Variants in DST observed in about 807,000 individuals in gnomAD.
The protein encoded by DST is bullous pemphigoid antigen.
A neutral mutation model predicts 875.2 loss-of-function variants in DST; 253 were observed. That is an observed-to-expected ratio of 0.29 (90% CI 0.26 to 0.32). The LOEUF (loss-of-function observed/expected upper bound fraction) is 0.32. Among genes scored for constraint, DST ranks in the 10% least tolerant of loss-of-function variants. DST has a pLI of 1.00. For synonymous variants in DST, 3,124 were observed against 3,197.1 expected (o/e 0.98, Z 0.77); for missense variants, 8,287 against 9,111.6 (o/e 0.91, Z 3.68).
intron 36 of DST, chr6:56,620,375 A>G: frequency 6.2e-7 from 1 of 1,614,098 alleles, no homozygotes; most frequent in South Asian, 1.1e-5. Flanking sequence ...CTCTATGGTG[A>G]GCTGCCTCAC....
chr6:56,753,079 C>T (rs1393516194), intron 4 of DST, among the ~76,000 whole-genome samples: 2 of 152,136 alleles, frequency 1.3e-5, no homozygotes, highest in Non-Finnish European at 2.9e-5. Flanking sequence ...GTGTGAGCCA[C>T]CACAAGACTG....
chr6:56,943,872 T>C (rs1488326697), intron 2 of DST, among the ~76,000 whole-genome samples: 1 of 152,104 alleles, frequency 6.6e-6, no homozygotes, highest in African/African-American at 2.4e-5. Flanking sequence ...ATCCCAGCAC[T>C]TTGGGAGACC....
intron 4 of DST, among the ~76,000 whole-genome samples, chr6:56,740,949 T>C (rs1340340807): frequency 2.0e-5 from 3 of 151,974 alleles, no homozygotes; most frequent in Admixed American, 2.0e-4. Context: ...AAGAATAGAG[T>C]TTCCATATAA....
At chr6:56,791,655 C>T (rs528362643) in intron 4 of DST, among the ~76,000 whole-genome samples, 2 of 151,748 alleles carry the variant, frequency 1.3e-5, no homozygotes, top group South Asian at 4.2e-4. Flanking sequence ...TGTGGTGGCA[C>T]ATGTCTGTGG....
At chr6:56,641,805 TA>T in intron 17 of DST, 141 bp downstream of exon 17, 1 of 680,422 alleles carries the variant, frequency 1.5e-6, no homozygotes. Context: ...CCAAAATATA[TA>T]AAAATGTGAC....
intron 4 of DST, chr6:56,742,398 T>A: frequency 7.9e-7 from 1 of 1,267,818 alleles, no homozygotes; most frequent in Non-Finnish European, 1.0e-6. Flanking sequence ...CTCTGATGTG[T>A]CAGAGTCCTG....
At chr6:56,704,916 G>A (rs984123103) in intron 5 of DST, among the ~76,000 whole-genome samples, 1 of 152,172 alleles carries the variant, frequency 6.6e-6, no homozygotes, top group Non-Finnish European at 1.5e-5. Context: ...TGTCAGGTTA[G>A]AAGTCCTCTG....
intron 4 of DST, among the ~76,000 whole-genome samples, chr6:56,745,930 G>C (rs2099571032): frequency 6.6e-6 from 1 of 152,186 alleles, no homozygotes; most frequent in Admixed American, 6.5e-5. Context: ...CAGAGAAATA[G>C]GTAGTCCCAA....
At chr6:56,871,483 CAG>C (rs1178557166) in intron 3 of DST, 1 of 1,581,954 alleles carries the variant, frequency 6.3e-7, no homozygotes, top group Non-Finnish European at 8.6e-7. Context: ...CTTAAAAATG[CAG>C]AGAGTGATGC....
At chr6:56,773,433 T>C (rs2152980213) in intron 4 of DST, among the ~76,000 whole-genome samples, 4 of 152,192 alleles carry the variant, frequency 2.6e-5, no homozygotes, top group Admixed American at 2.6e-4. Flanking sequence ...AATCTCACTA[T>C]TAAAAATACC....
At chr6:56,799,895 G>A (rs2099744750) in intron 4 of DST, among the ~76,000 whole-genome samples, 1 of 152,054 alleles carries the variant, frequency 6.6e-6, no homozygotes, top group Non-Finnish European at 1.5e-5. Context: ...AACATGCTGG[G>A]ATTACAGGCA....
chr6:56,834,901 T>G (rs946497071), intron 4 of DST, among the ~76,000 whole-genome samples: 2 of 152,190 alleles, frequency 1.3e-5, no homozygotes, highest in African/African-American at 2.4e-5. Flanking sequence ...CACTCAACTG[T>G]TTAGAGCAGT....
chr6:56,656,259 A>C (rs537639760), intron 10 of DST, among the ~76,000 whole-genome samples: 1 of 152,354 alleles, frequency 6.6e-6, no homozygotes, highest in Non-Finnish European at 1.5e-5. Context: ...GTCTCTCCTA[A>C]AAAACAATTT....
intron 61 of DST, among the ~76,000 whole-genome samples, chr6:56,545,963 T>A (rs577294051): frequency 6.6e-6 from 1 of 152,276 alleles, no homozygotes; most frequent in African/African-American, 2.4e-5. Context: ...ATATTTTTAG[T>A]TTTCAAACTA....
At chr6:56,865,658 G>C (rs779959572) in intron 3 of DST, among the ~76,000 whole-genome samples, 7 of 151,606 alleles carry the variant, frequency 4.6e-5, no homozygotes, top group African/African-American at 1.5e-4. Flanking sequence ...GCTCAGCCTT[G>C]CTTCCCTAGT....
intron 57 of DST, 131 bp downstream of exon 57, chr6:56,561,177 C>A: frequency 9.6e-7 from 1 of 1,041,382 alleles, no homozygotes; most frequent in South Asian, 2.3e-5. Context: ...TTAAACAAAA[C>A]TGTCAATTAT....
intron 92 of DST, among the ~76,000 whole-genome samples, chr6:56,475,214 G>C (rs1020966928): frequency 1.3e-5 from 2 of 152,024 alleles, no homozygotes; most frequent in African/African-American, 4.8e-5. Flanking sequence ...CAAAGGCTGT[G>C]GAAAGGCAGA....
rs751226137 is a variant in DST, at chr6:56,561,482, G to GAGTA, written c.14132_14135dup (p.Lys4713ThrfsTer11). 1.2e-6 allele frequency: 2 copies of GAGTA among 1,613,836 alleles called. No homozygotes were observed. The highest frequency in any genetic ancestry group is 8.5e-7 in the Non-Finnish European group (1 of 1,179,790). On this transcript the variant is annotated frameshift_variant, in exon 57 of 104. Transcript: ENST00000680361. LOFTEE classifies it high-confidence loss of function. Reference sequence around the variant, plus strand: ...TGTTCAGTTCCGCTATTTTGTCCTTGAGTAAGAGGCCAAGATCTTCATAAC... The same window carrying GAGTA: ...TGTTCAGTTCCGCTATTTTGTCCTTGAGTAAGTAAGAGGCCAAGATCTTCATAAC...
chr6:56,774,618 G>T (rs1217151165), intron 4 of DST, among the ~76,000 whole-genome samples: 3 of 152,088 alleles, frequency 2.0e-5, no homozygotes, highest in African/African-American at 7.2e-5. Flanking sequence ...CTACAAAACT[G>T]AATTCAGTTC....
Sources: gnomAD v4.1 joint callset for allele counts (sites outside exome capture counted in the v4.1 genomes callset) on GRCh38, gnomAD v4.1.1 for gene constraint, MANE v1.5 for transcripts, NCBI Gene and HGNC (gene_info 2026-07-23, HGNC 2026-07-21) for gene names.